Variants in LMLN observed in about 807,000 individuals in gnomAD.
LMLN encodes leishmanolysin like peptidase.
A neutral mutation model predicts 92.3 loss-of-function variants in LMLN; 70 were observed. That is an observed-to-expected ratio of 0.76 (90% CI 0.63 to 0.92). The LOEUF (loss-of-function observed/expected upper bound fraction) is 0.92. Among genes scored for constraint, LMLN ranks in the 40% least tolerant of loss-of-function variants. The pLI is 0.00. For synonymous variants in LMLN, 308 were observed against 296.2 expected (o/e 1.04, Z -0.41); for missense variants, 691 against 814.6 (o/e 0.85, Z 1.85).
intron 8 of LMLN, among the ~76,000 whole-genome samples, chr3:197,989,819 C>T (rs1298824676): frequency 6.6e-6 from 1 of 152,122 alleles, no homozygotes; most frequent in Non-Finnish European, 1.5e-5. Context: ...GCCAGGAATT[C>T]GAGGCCAGTT....
chr3:197,984,162 C>T (rs1721634741), intron 7 of LMLN, 114 bp downstream of exon 7: 15 of 629,100 alleles, frequency 2.4e-5, no homozygotes, highest in Non-Finnish European at 3.7e-5. Context: ...GACTCATGTT[C>T]GTGCACATGT....
At chr3:197,987,762 T>C (rs1721753908) in intron 8 of LMLN, among the ~76,000 whole-genome samples, 1 of 152,250 alleles carries the variant, frequency 6.6e-6, no homozygotes, top group African/African-American at 2.4e-5. Flanking sequence ...TTACATTTTT[T>C]TTAAAAGGTA....
At chr3:198,026,340 ACAGGGTCTTACT>A (rs963364447) in intron 14 of LMLN, among the ~76,000 whole-genome samples, 3 of 151,936 alleles carry the variant, frequency 2.0e-5, no homozygotes, top group Admixed American at 6.6e-5. Context: ...CTCTTTTGAG[ACAGGGTCTTACT>A]CTGTCACCCA....
intron 5 of LMLN, among the ~76,000 whole-genome samples, chr3:197,979,248 T>C (rs934443301): frequency 1.3e-5 from 2 of 152,222 alleles, no homozygotes; most frequent in African/African-American, 4.8e-5. Context: ...TTGTTTTTTT[T>C]CCCTCTACAA....
chr3:198,032,868 C>T (rs1468736305), intron 14 of LMLN, among the ~76,000 whole-genome samples: 1 of 152,178 alleles, frequency 6.6e-6, no homozygotes, highest in Non-Finnish European at 1.5e-5. Flanking sequence ...CAGCTGGTCG[C>T]AGTGAGGGAG....
chr3:197,997,157 C>G (rs1395885519), intron 10 of LMLN, among the ~76,000 whole-genome samples: 3 of 148,776 alleles, frequency 2.0e-5, no homozygotes, highest in Admixed American at 6.8e-5. Flanking sequence ...TTCTTTCTGT[C>G]TCACTCCACT....
chr3:198,017,045 C>T (rs772658250), intron 11 of LMLN, among the ~76,000 whole-genome samples: 5 of 151,860 alleles, frequency 3.3e-5, no homozygotes, highest in Non-Finnish European at 5.9e-5. Context: ...TTGCTTGAGC[C>T]GAGAAGATCA....
At chr3:198,029,991 C>A (rs989083910) in intron 14 of LMLN, among the ~76,000 whole-genome samples, 2 of 151,780 alleles carry the variant, frequency 1.3e-5, no homozygotes, top group East Asian at 3.9e-4. Flanking sequence ...TATAGGCGCC[C>A]GCCACCATGC....
chr3:198,039,451 A>C (rs1723337566), exon 16 of LMLN: 1 of 152,204 alleles, frequency 6.6e-6, no homozygotes, highest in Non-Finnish European at 1.5e-5. Flanking sequence ...TATTATACCT[A>C]TTTTAAATTT....
chr3:198,035,829 G>T lies in LMLN; in HGVS notation c.1657-4G>T. 2 of 1,606,240 alleles carry T rather than the reference G, an allele frequency of 1.2e-6. No individual in the cohort carries two copies. Among genetic ancestry groups the T allele is most frequent in the Non-Finnish European group, 1.7e-6 (2 of 1,175,368 alleles). ...TTATATATCTATTTTTTTCCTGTTT[G>T]AAGGTTTCTTGTTCTCCTCAAGGTC... On this transcript the variant is annotated splice_region_variant and splice_polypyrimidine_tract_variant and intron_variant, in intron 14 of 15. Transcript: ENST00000330198.
At position 198,019,110 on chromosome 3, in the gene LMLN, C is replaced by T. The variant is rs55649349; in HGVS notation, c.1233-143C>T. On this transcript the variant is annotated intron_variant, in intron 11 of 15. Coordinates refer to ENST00000330198, the Ensembl canonical transcript of LMLN. This position sits in a 1 kb window ranked among gnomAD's most constrained non-coding sequence, Gnocchi z 5.5. ...TGCAGGGCAGAGGGGACATTGCCTC[C>T]ATCTCTTTCCAAGAATCCCATTTGT... 5,787 of 761,572 alleles carry T rather than the reference C, an allele frequency of 7.6e-3. 223 individuals carry two copies. In the African/African-American group the frequency reaches 0.088, roughly 12 times the overall value. 47.2% of individuals were successfully genotyped at this position (761,572 alleles called of 1,614,324 possible). A position where few individuals can be genotyped will look rare whatever the true frequency, so the allele number is the denominator to read the frequency against.
intron 11 of LMLN, among the ~76,000 whole-genome samples, chr3:198,013,744 G>A (rs1722524960): frequency 7.6e-6 from 1 of 130,958 alleles, no homozygotes; most frequent in African/African-American, 3.3e-5. Context: ...CCCCTAACTA[G>A]TCTGACTTCT....
At chr3:198,037,624 A>G (rs528802237) in intron 15 of LMLN, among the ~76,000 whole-genome samples, 11 of 152,328 alleles carry the variant, frequency 7.2e-5, no homozygotes, top group Admixed American at 2.0e-4. Context: ...GGGCAATAGA[A>G]TGAGACTCTG....
chr3:197,984,073 TCCTTCATG>T (rs1289018574), intron 7 of LMLN, 25 bp downstream of exon 7: 1 of 1,422,260 alleles, frequency 7.0e-7, no homozygotes, highest in Admixed American at 1.7e-5. Context: ...TACTGTTCTT[TCCTTCATG>T]CCTTGATTTT....
At chr3:198,012,906 G>C (rs1722492608) in intron 11 of LMLN, among the ~76,000 whole-genome samples, 1 of 116,432 alleles carries the variant, frequency 8.6e-6, no homozygotes, top group African/African-American at 4.5e-5. Flanking sequence ...TGACTTCTCT[G>C]TACCCTTCAG....
At chr3:197,972,238 A>G (rs1160999365) in intron 1 of LMLN, among the ~76,000 whole-genome samples, 1 of 151,518 alleles carries the variant, frequency 6.6e-6, no homozygotes, top group Non-Finnish European at 1.5e-5. Flanking sequence ...TAATTTTTGT[A>G]TTTTTAGTGG....
intron 1 of LMLN, 48 bp downstream of exon 1, chr3:197,960,488 A>T: frequency 6.5e-7 from 1 of 1,546,838 alleles, no homozygotes. Flanking sequence ...AAAGTCACCC[A>T]GAAGGAGCAG....
At chr3:197,997,840 G>A (rs1722070931) in intron 10 of LMLN, among the ~76,000 whole-genome samples, 1 of 152,090 alleles carries the variant, frequency 6.6e-6, no homozygotes, top group South Asian at 2.1e-4. Context: ...CTATATGAAT[G>A]TAGCATAACA....
At chr3:198,039,001 C>T (rs952922677) in exon 16 of LMLN, 11 of 259,082 alleles carry the variant, frequency 4.2e-5, no homozygotes, top group Non-Finnish European at 7.7e-5. Flanking sequence ...AACCCAGCCA[C>T]CTTCATCAGC....
Sources: allele counts gnomAD v4.1 joint callset (sites outside exome capture counted in the v4.1 genomes callset), GRCh38; gene constraint gnomAD v4.1.1; non-coding constraint Gnocchi (gnomAD v3.1); transcripts MANE v1.5; gene names NCBI Gene and HGNC (gene_info 2026-07-23, HGNC 2026-07-21).